PML: variants seen among roughly 807,000 people sequenced by gnomAD.
PML encodes the protein PML nuclear body scaffold.
A neutral mutation model predicts 65.2 loss-of-function variants in PML; 28 were observed. The ratio of observed to expected loss-of-function variants is 0.43; its 90% CI spans 0.32 to 0.59. PML has a LOEUF of 0.59. Ranked by LOEUF, PML falls within the 20% of genes least tolerant of loss-of-function variation. The pLI, the probability that PML is intolerant of heterozygous loss-of-function variation, is 0.08. For missense variants in PML, 1,021 were observed against 1,203.4 expected, an observed-to-expected ratio of 0.85 and a Z score of 2.24; for synonymous variants, 500 against 508.8, an observed-to-expected ratio of 0.98 and a Z score of 0.23.
chr15:74,009,542 A>G (rs1181712990), intron 2 of PML, among the ~76,000 whole-genome samples: 1 of 152,214 alleles, frequency 6.6e-6, no homozygotes, highest in Non-Finnish European at 1.5e-5. Flanking sequence ...ATAGAATAAT[A>G]TGTGGATAAA....
chr15:74,020,466 C>T (rs774380401), intron 2 of PML, among the ~76,000 whole-genome samples: 9 of 151,562 alleles, frequency 5.9e-5, no homozygotes, highest in Non-Finnish European at 1.0e-4. Flanking sequence ...TTATCACTGC[C>T]GGTGAGAGTA....
chr15:74,044,253 C>T lies in PML; in HGVS notation c.1894C>T (p.Arg632Trp), dbSNP rs142900813. ...QKISQLAAVN[R>W]ESKFRVVIQP... is the part of the protein sequence containing the mutation. ...GATTAGCCAGCTGGCTGCGGTGAACCGGGAAAGCAAGTTCCGCGTGGTCAT... is the reference window on the plus strand; with the variant it reads ...GATTAGCCAGCTGGCTGCGGTGAACTGGGAAAGCAAGTTCCGCGTGGTCAT... The change falls in exon 9 of 9, where the codon CGG becomes TGG. Residue 632 changes from arginine to tryptophan, a missense_variant. Physicochemically the swap from Arg to Trp is moderately radical, Grantham distance 101. Coordinates refer to ENST00000268058, the MANE Select transcript of PML (RefSeq NM_033238.3). 67 of 1,613,978 alleles carry T rather than the reference C, an allele frequency of 4.2e-5. 1 individual carries two copies. The Admixed American group carries it at 7.5e-4, about 18-fold the overall frequency.
chr15:74,044,656 C>T lies in PML; in HGVS notation c.2297C>T (p.Ala766Val). The T allele has an allele frequency of 6.2e-7, 1 of 1,605,526 alleles. No individual in the cohort carries two copies. Among genetic ancestry groups the T allele is most frequent in the Non-Finnish European group, 8.5e-7 (1 of 1,179,900 alleles). The change falls in exon 9 of 9, where the codon GCC becomes GTC. Residue 766 changes from alanine to valine, a missense_variant. By Grantham distance (64) the Ala-to-Val change is moderately conservative (BLOSUM62 0). Transcript: ENST00000268058. ...GAGGTCTCCCCGGGCCCCCAGCTGG[C>T]CCAGCATGTCTACCCCTTCAGTAGC... is the stretch of plus-strand genomic sequence containing the variant. The part of the protein sequence containing the change: ...LLEVSPGPQL[A>V]QHVYPFSSLQ...
In PML at chr15:74,037,363, G is replaced by C. The variant is rs1321451688; in HGVS notation, c.1710+2833G>C. 5 of 985,202 alleles carry C rather than the reference G, an allele frequency of 5.1e-6. No individual in the cohort carries two copies. The highest frequency in any genetic ancestry group is 6.0e-6 in the Non-Finnish European group (5 of 829,906). The allele number at this position is 985,202 out of a possible 1,614,324, so 61.0% of individuals were successfully genotyped here. A position where few individuals can be genotyped will look rare whatever the true frequency, so the allele number is the denominator to read the frequency against. ...GGAAGGGATGTCCACCTGCCTCCAG[G>C]ACTCACCCTGTGTCCTGGCCCCAGC... On this transcript the variant is annotated intron_variant, in intron 7 of 8. Coordinates refer to ENST00000268058, the MANE Select transcript of PML (RefSeq NM_033238.3). This position sits in a 1 kb window ranked among gnomAD's most constrained non-coding sequence, Gnocchi z 4.2.
intron 2 of PML, among the ~76,000 whole-genome samples, chr15:74,019,938 C>T (rs2070761406): frequency 6.6e-6 from 1 of 152,096 alleles, no homozygotes; most frequent in African/African-American, 2.4e-5. Flanking sequence ...GTGAGGGACA[C>T]GTGGGTGGCT....
chr15:74,044,603 G>A lies in PML; in HGVS notation c.2244G>A (p.Leu748=). 6.2e-7 allele frequency: 1 copy of A among 1,608,242 alleles called. No individual in the cohort carries two copies. Residue 748 remains leucine, a synonymous_variant, in exon 9 of 9, where the codon CTG becomes CTA. Coordinates refer to ENST00000268058, the MANE Select transcript of PML (RefSeq NM_033238.3). The stretch of plus-strand genomic sequence containing the variant: ...AGCGCAGCGCCATGGCTGCCGTGCT[G>A]GCCATGCGTGACCTGTGCCGCCTCC... The part of the protein sequence containing the change: ...MSERSAMAAV[L]AMRDLCRLLE...
At chr15:73,998,530 G>A (rs2069612374) in intron 2 of PML, 54 bp downstream of exon 2, 2 of 1,465,824 alleles carry the variant, frequency 1.4e-6, no homozygotes, top group East Asian at 2.3e-5. Context: ...GGTAGAGGGC[G>A]AGAGGAGCAA....
In PML at chr15:73,997,978, C is replaced by G. The variant is rs774809815; in HGVS notation, c.130-26C>G. On this transcript the variant is annotated intron_variant, in intron 1 of 8. Coordinates refer to ENST00000268058, the MANE Select transcript of PML (RefSeq NM_033238.3). The stretch of plus-strand genomic sequence containing the variant: ...TGGGGGCTTTTGGGACTTCTCCAGG[C>G]CTCACCTGCCTCTCTGGTCCCCCAG... 3 of 1,602,826 alleles carry G rather than the reference C, an allele frequency of 1.9e-6. No homozygotes were observed. In the Admixed American group the frequency reaches 5.0e-5, roughly 27 times the overall value.
At chr15:74,007,346 T>C (rs956410031) in intron 2 of PML, among the ~76,000 whole-genome samples, 6 of 152,214 alleles carry the variant, frequency 3.9e-5, no homozygotes, top group Non-Finnish European at 8.8e-5. Context: ...TTATCCCTTA[T>C]GTCAGGTACA....
At position 74,023,885 on chromosome 15, in the gene PML, A is replaced by T. The variant is rs542625737; in HGVS notation, c.1183+477A>T. Among the ~76,000 whole-genome samples, 9 of 152,212 alleles carry T rather than the reference A, an allele frequency of 5.9e-5. No individual in the cohort carries two copies. In the East Asian group the frequency reaches 1.7e-3, roughly 29 times the overall value. ...ACCATACAGTGGCTCAGTGGAGGAG[A>T]TCCCTTGTCTGCAGGATGACCTGCT... On this transcript the variant is annotated intron_variant, in intron 3 of 8. Coordinates refer to ENST00000268058, the MANE Select transcript of PML (RefSeq NM_033238.3).
intron 1 of PML, among the ~76,000 whole-genome samples, chr15:73,995,970 T>G (rs540322187): frequency 1.3e-5 from 2 of 152,276 alleles, no homozygotes; most frequent in Admixed American, 1.3e-4. Flanking sequence ...GCCAGATTGG[T>G]CTCTAACTCC....
Position 74,043,255 on chromosome 15 carries a change from C to T in PML, c.1861+116C>T. On this transcript the variant is annotated intron_variant, in intron 8 of 8. Coordinates refer to ENST00000268058, the MANE Select transcript of PML (RefSeq NM_033238.3). The surrounding 1 kb of genome is among the most constrained non-coding windows in gnomAD (Gnocchi z 4.3). ...GAGAGCTCTGAGCTCTGGCCAACAACTGCAGCCAGGCTGGGCAGAGCACTC... is the reference window on the plus strand; with the variant it reads ...GAGAGCTCTGAGCTCTGGCCAACAATTGCAGCCAGGCTGGGCAGAGCACTC... The T allele has an allele frequency of 6.3e-7, 1 of 1,595,564 alleles. No homozygotes were observed. The highest frequency in any genetic ancestry group is 8.5e-7 in the Non-Finnish European group (1 of 1,171,532).
chr15:73,997,322 T>A (rs1410573913), intron 1 of PML, among the ~76,000 whole-genome samples: 1 of 152,250 alleles, frequency 6.6e-6, no homozygotes, highest in East Asian at 1.9e-4. Flanking sequence ...CCTATTCTCC[T>A]GCCTCAGAAT....
chr15:74,044,413 C>T lies in PML; in HGVS notation c.2054C>T (p.Pro685Leu), dbSNP rs765048167. 2.5e-6 allele frequency: 4 copies of T among 1,614,206 alleles called. No individual in the cohort carries two copies. The highest frequency in any genetic ancestry group is 3.4e-6 in the Non-Finnish European group (4 of 1,180,036). Residue 685 changes from proline (P) to leucine (L), a missense_variant, in exon 9 of 9, where the codon CCA becomes CTA. Pro to Leu is a moderately conservative substitution (Grantham distance 98). Coordinates refer to ENST00000268058, the MANE Select transcript of PML (RefSeq NM_033238.3). ...TACAAGCTGTGGGGGCCTGGCCTCCCAAACTTCTTCCGGGCCCTGGAGGAC... is the reference window on the plus strand; with the variant it reads ...TACAAGCTGTGGGGGCCTGGCCTCCTAAACTTCTTCCGGGCCCTGGAGGAC... ...ACYKLWGPGL[P>L]NFFRALEDIN...
In PML at chr15:74,037,743, C is replaced by T; in HGVS notation, c.1710+3213C>T. 1 of 982,308 alleles carries T rather than the reference C, an allele frequency of 1.0e-6. No homozygotes were observed. 60.8% of individuals were successfully genotyped at this position (982,308 alleles called of 1,614,324 possible). A position where few individuals can be genotyped will look rare whatever the true frequency, so the allele number is the denominator to read the frequency against. On this transcript the variant is annotated intron_variant, in intron 7 of 8. Coordinates refer to ENST00000268058, the MANE Select transcript of PML (RefSeq NM_033238.3). The surrounding 1 kb of genome is among the most constrained non-coding windows in gnomAD (Gnocchi z 4.2). ...GCAGCTCTGGGCACTCCTCCCTCTC[C>T]TCTGCAGGCTCTGTTTTTTCTTGGT...
chr15:74,018,288 A>C lies in PML; in HGVS notation c.603-4540A>C, dbSNP rs911702577. Among the ~76,000 whole-genome samples, 10 of 149,680 alleles carry C rather than the reference A, an allele frequency of 6.7e-5. No homozygotes were observed. The East Asian group carries it at 1.6e-3, about 24-fold the overall frequency. Reference sequence around the variant, plus strand: ...CAGTGAGCCAAGATTGTGCCACTGCACTCCAGCCTGGGCAACAGAGTGAGA... The same window carrying C: ...CAGTGAGCCAAGATTGTGCCACTGCCCTCCAGCCTGGGCAACAGAGTGAGA... On this transcript the variant is annotated intron_variant, in intron 2 of 8. Transcript: ENST00000268058.
In PML at chr15:74,034,949, C is replaced by G. The variant is rs1043414660; in HGVS notation, c.1710+419C>G. On this transcript the variant is annotated intron_variant, in intron 7 of 8. Coordinates refer to ENST00000268058, the MANE Select transcript of PML (RefSeq NM_033238.3). ...ACAGGGCAGCTATATAGGGGCCAAACAAGTGAGGTTTGACTCCATCCATGT... is the reference window on the plus strand; with the variant it reads ...ACAGGGCAGCTATATAGGGGCCAAAGAAGTGAGGTTTGACTCCATCCATGT... 26 of 1,461,222 alleles carry G rather than the reference C, an allele frequency of 1.8e-5. No homozygotes were observed. In the African/African-American group the frequency reaches 3.7e-4, roughly 21 times the overall value. 90.5% of individuals were successfully genotyped at this position (1,461,222 alleles called of 1,614,324 possible).
intron 1 of PML, among the ~76,000 whole-genome samples, chr15:73,995,972 T>C (rs2069478664): frequency 6.6e-6 from 1 of 152,168 alleles, no homozygotes; most frequent in Admixed American, 6.6e-5. Flanking sequence ...CAGATTGGTC[T>C]CTAACTCCTG....
At position 74,035,975 on chromosome 15, in the gene PML, C is replaced by A; in HGVS notation, c.1710+1445C>A. On this transcript the variant is annotated intron_variant, in intron 7 of 8. Coordinates refer to ENST00000268058, the MANE Select transcript of PML (RefSeq NM_033238.3). The surrounding 1 kb of genome is among the most constrained non-coding windows in gnomAD (Gnocchi z 4.1). ...GAGAGTGCTACCCTTCTCTTGTAAC[C>A]TTGCAGCCAACACCCCTGCCCGGCC... 1 of 1,614,122 alleles carries A rather than the reference C, an allele frequency of 6.2e-7. No individual in the cohort carries two copies. Among genetic ancestry groups the A allele is most frequent in the Non-Finnish European group, 8.5e-7 (1 of 1,180,040 alleles).
Sources: allele counts gnomAD v4.1 joint callset (sites outside exome capture counted in the v4.1 genomes callset), GRCh38; gene constraint gnomAD v4.1.1; non-coding constraint Gnocchi (gnomAD v3.1); transcripts MANE v1.5; gene names NCBI Gene and HGNC (gene_info 2026-07-23, HGNC 2026-07-21).